The following SHTN1 variants were observed in gnomAD, a reference collection of about 807,000 sequenced individuals.
SHTN1 encodes shootin 1.
A neutral mutation model predicts 83.1 loss-of-function variants in SHTN1; 42 were observed. The ratio of observed to expected loss-of-function variants is 0.51; its 90% CI spans 0.39 to 0.65. The LOEUF (loss-of-function observed/expected upper bound fraction) is 0.65, where lower values mean the gene tolerates loss of function less well. Among genes scored for constraint, SHTN1 ranks in the 30% least tolerant of loss-of-function variants. The pLI is 0.00. For missense variants in SHTN1, 622 were observed against 737.8 expected (o/e 0.84, Z 1.82); for synonymous variants, 224 against 247.7 (o/e 0.90, Z 0.90).
At chr10:116,903,298 C>T (rs951062458) in intron 15 of SHTN1, among the ~76,000 whole-genome samples, 7 of 152,026 alleles carry the variant, frequency 4.6e-5, no homozygotes, top group African/African-American at 7.2e-5. Flanking sequence ...TTTGAGAGGC[C>T]GAGGCAGGCG....
At chr10:117,078,962 A>C (rs1327847714) in intron 1 of SHTN1, among the ~76,000 whole-genome samples, 1 of 145,092 alleles carries the variant, frequency 6.9e-6, no homozygotes, top group Non-Finnish European at 1.5e-5. Context: ...CCCTGCTTTA[A>C]TTTATGATAT....
chr10:116,979,919 G>C (rs1029802880), intron 1 of SHTN1, among the ~76,000 whole-genome samples: 1 of 152,190 alleles, frequency 6.6e-6, no homozygotes, highest in Non-Finnish European at 1.5e-5. Context: ...ATTCAGCTAA[G>C]AACAACTATT....
chr10:117,068,484 G>A (rs188129675), intron 1 of SHTN1, among the ~76,000 whole-genome samples: 34 of 152,144 alleles, frequency 2.2e-4, no homozygotes, highest in African/African-American at 7.7e-4. Context: ...AGGAAGAGGT[G>A]AAAGATGTAT....
intron 1 of SHTN1, among the ~76,000 whole-genome samples, chr10:116,988,924 T>C (rs1851318640): frequency 6.6e-6 from 1 of 152,154 alleles, no homozygotes; most frequent in Non-Finnish European, 1.5e-5. Context: ...CTTCTACATC[T>C]TGAGGCAAAG....
chr10:117,044,853 T>C (rs1017547903), intron 2 of SHTN1, among the ~76,000 whole-genome samples: 6 of 152,160 alleles, frequency 3.9e-5, no homozygotes, highest in African/African-American at 1.4e-4. Context: ...AGTCCTAATT[T>C]TGGCATATTA....
intron 1 of SHTN1, among the ~76,000 whole-genome samples, chr10:116,990,965 T>C (rs371081503): frequency 1.3e-5 from 2 of 152,156 alleles, no homozygotes; most frequent in African/African-American, 4.8e-5. Context: ...GGCGGGTGGA[T>C]CACGAGGTCA....
rs113424508 is a variant in SHTN1 at position 116,971,874 on chromosome 10, G to A, written c.112-3162C>T. 3.1e-3 allele frequency among the ~76,000 whole-genome samples: 475 copies of A among 152,298 alleles called. 1 individual carries two copies. The highest frequency in any genetic ancestry group is 3.8e-3 in the Non-Finnish European group (257 of 68,028). On this transcript the variant is annotated intron_variant, in intron 2 of 16. Transcript: ENST00000355371. Reference sequence around the variant, plus strand: ...CGAAGCTCTACCTAAAGGAATTAGAGGTTTATTCAATTCTCGCTTCAGTCA... The same window carrying A: ...CGAAGCTCTACCTAAAGGAATTAGAAGTTTATTCAATTCTCGCTTCAGTCA...
At chr10:116,993,915 T>G (rs1851534712) in intron 1 of SHTN1, among the ~76,000 whole-genome samples, 1 of 152,154 alleles carries the variant, frequency 6.6e-6, no homozygotes, top group Admixed American at 6.5e-5. Context: ...TTGCTAAAGA[T>G]AAATTTAAGT....
At chr10:116,966,353 C>T (rs1430626872) in intron 3 of SHTN1, among the ~76,000 whole-genome samples, 1 of 152,000 alleles carries the variant, frequency 6.6e-6, no homozygotes, top group African/African-American at 2.4e-5. Context: ...AGAGTTGGCA[C>T]TCTGTTGTTC....
chr10:116,892,587 T>A (rs1051837551), intron 16 of SHTN1, among the ~76,000 whole-genome samples: 1 of 152,252 alleles, frequency 6.6e-6, no homozygotes, highest in Non-Finnish European at 1.5e-5. Flanking sequence ...TACTTGCATT[T>A]TCATTCTATG....
intron 9 of SHTN1, among the ~76,000 whole-genome samples, chr10:116,933,625 CAT>C (rs1319136434): frequency 3.3e-5 from 5 of 152,134 alleles, no homozygotes; most frequent in Non-Finnish European, 5.9e-5. Context: ...CTGCAATAAA[CAT>C]ATGTGTGTGT....
chr10:117,026,937 G>A (rs1045990270), intron 2 of SHTN1, among the ~76,000 whole-genome samples: 7 of 152,206 alleles, frequency 4.6e-5, no homozygotes. Context: ...TGAGGAGCAG[G>A]CCTATGCTGA....
intron 12 of SHTN1, among the ~76,000 whole-genome samples, chr10:116,920,040 TAACTC>T (rs1258313421): frequency 1.3e-5 from 2 of 152,028 alleles, no homozygotes; most frequent in Admixed American, 6.6e-5. Context: ...GAGGTGGAAA[TAACTC>T]AAACACCACA....
chr10:116,893,681 T>C (rs1174503338), intron 16 of SHTN1, among the ~76,000 whole-genome samples: 1 of 151,090 alleles, frequency 6.6e-6, no homozygotes, highest in Non-Finnish European at 1.5e-5. Context: ...CTCCTTTCCA[T>C]CCCAGGACTA....
intron 3 of SHTN1, among the ~76,000 whole-genome samples, chr10:116,963,068 T>G (rs1850248728): frequency 1.7e-4 from 13 of 76,402 alleles, no homozygotes; most frequent in African/African-American, 3.9e-4. Context: ...TTTTTTTTTT[T>G]TTTTTTTTTT....
chr10:116,929,322 C>A (rs991100058), intron 10 of SHTN1, among the ~76,000 whole-genome samples: 2 of 152,058 alleles, frequency 1.3e-5, no homozygotes, highest in Non-Finnish European at 2.9e-5. Flanking sequence ...TTTAAGTATC[C>A]CCTGGTGTTT....
intron 2 of SHTN1, among the ~76,000 whole-genome samples, chr10:117,027,416 C>T (rs1479697145): frequency 2.0e-5 from 3 of 152,172 alleles, no homozygotes; most frequent in Non-Finnish European, 2.9e-5. Context: ...TGAGCAGATA[C>T]CAGCATCATG....
At chr10:117,052,020 A>ATATATATATATATATATATATATG (rs1280560233) in intron 1 of SHTN1, among the ~76,000 whole-genome samples, 70 of 137,938 alleles carry the variant, frequency 5.1e-4, no homozygotes, top group African/African-American at 1.7e-3. Context: ...ATATATATAT[A>ATATATATATATATATATATATATG]TAGAAAAGCC....
At chr10:117,012,269 A>G (rs1265320118) in intron 2 of SHTN1, among the ~76,000 whole-genome samples, 5 of 152,172 alleles carry the variant, frequency 3.3e-5, no homozygotes, top group Non-Finnish European at 7.4e-5. Context: ...TGTATTATGG[A>G]AAGGCAAAAA....
Sources: gnomAD v4.1 joint callset for allele counts (sites outside exome capture counted in the v4.1 genomes callset) on GRCh38, gnomAD v4.1.1 for gene constraint, MANE v1.5 for transcripts, NCBI Gene and HGNC (gene_info 2026-07-23, HGNC 2026-07-21) for gene names.